Variants in CNKSR3 observed in about 807,000 individuals in gnomAD.
CNKSR3 encodes connector enhancer of kinase suppressor of ras 3.
A neutral mutation model predicts 67.7 loss-of-function variants in CNKSR3; 36 were observed. The ratio of observed to expected loss-of-function variants is 0.53; its 90% CI spans 0.41 to 0.70. The LOEUF (loss-of-function observed/expected upper bound fraction) is 0.70. CNKSR3 is among the 30% of genes least tolerant of loss of function. The pLI is 0.00. For missense variants in CNKSR3, 630 were observed against 695.2 expected (o/e 0.91, Z 1.05); for synonymous variants, 281 against 271.4 (o/e 1.04, Z -0.35).
intron 1 of CNKSR3, among the ~76,000 whole-genome samples, chr6:154,466,415 T>C (rs971071269): frequency 6.6e-6 from 1 of 152,104 alleles, no homozygotes; most frequent in Non-Finnish European, 1.5e-5. Context: ...CGCACAAGCA[T>C]GAGCAGCAAT....
In CNKSR3 at chr6:154,406,586, G is replaced by A; in HGVS notation, c.1436C>T (p.Ser479Phe). The A allele has an allele frequency of 6.8e-6, 11 of 1,614,222 alleles. No homozygotes were observed. The highest frequency in any genetic ancestry group is 9.3e-6 in the Non-Finnish European group (11 of 1,180,040). ...GGGTCTGGAGAACCGGTATGGGGGA[G>A]AGGAGCTCTCTTCAATGATCGGAGG... is the stretch of plus-strand genomic sequence containing the variant. Reference protein sequence around the residue: ...RIPPIIEESSSPPYRFSRPTT... With the variant: ...RIPPIIEESSFPPYRFSRPTT... Residue 479 changes from serine (S) to phenylalanine (F), a missense_variant, in exon 13 of 13, where the codon TCT (serine) becomes TTT (phenylalanine). By Grantham distance (155) the Ser-to-Phe change is radical. Around this residue, in one of 3 missense-constraint regions of CNKSR3, gnomAD observed 308 missense variants for 299.6 expected, o/e 1.03. Transcript: ENST00000607772.
rs1784883647 is a variant in CNKSR3, at chr6:154,410,340, T to C, written c.1369+3A>G. On this transcript the variant is annotated splice_donor_region_variant and intron_variant, in intron 12 of 12. Coordinates refer to ENST00000607772, the MANE Select transcript of CNKSR3 (RefSeq NM_173515.4). Reference sequence around the variant, plus strand: ...TTCCTTGGTTTGCTTGGATGAAACGTACCTTTCCTGCCATGACCTCGAGGT... The same window carrying C: ...TTCCTTGGTTTGCTTGGATGAAACGCACCTTTCCTGCCATGACCTCGAGGT... 1.2e-6 allele frequency: 2 copies of C among 1,611,834 alleles called. No individual in the cohort carries two copies. Among genetic ancestry groups the C allele is most frequent in the Non-Finnish European group, 1.7e-6 (2 of 1,178,022 alleles).
Position 154,423,549 on chromosome 6 carries a change from C to T in CNKSR3, c.730-566G>A, listed in dbSNP as rs147865660. 8.0e-3 allele frequency among the ~76,000 whole-genome samples: 1,215 copies of T among 152,254 alleles called. 17 individuals carry two copies. Among genetic ancestry groups the T allele is most frequent in the African/African-American group, 0.027 (1,141 of 41,542 alleles). ...CTGGGATTACAGGCATGAGCCACCG[C>T]GCCCAGTCTGGACATACTGTCAAAA... On this transcript the variant is annotated intron_variant, in intron 7 of 12. Coordinates refer to ENST00000607772, the MANE Select transcript of CNKSR3 (RefSeq NM_173515.4).
chr6:154,454,139 A>G (rs1785901884), intron 1 of CNKSR3, among the ~76,000 whole-genome samples: 1 of 118,674 alleles, frequency 8.4e-6, no homozygotes, highest in African/African-American at 2.8e-5. Flanking sequence ...AGAGAGAGAG[A>G]GAGAGATAAG....
chr6:154,420,225 TA>T (rs35213451), intron 9 of CNKSR3, among the ~76,000 whole-genome samples: 4,059 of 145,200 alleles, frequency 0.028, 89 homozygotes, highest in African/African-American at 0.065. Context: ...ATGTGGAATC[TA>T]AAAAAAAAAA....
chr6:154,500,378 T>C (rs1786972897), intron 1 of CNKSR3, among the ~76,000 whole-genome samples: 1 of 152,116 alleles, frequency 6.6e-6, no homozygotes, highest in Non-Finnish European at 1.5e-5. Flanking sequence ...TAAAAGGTTA[T>C]CCTCAGGAAA....
chr6:154,503,717 T>A (rs1207806725), intron 1 of CNKSR3, among the ~76,000 whole-genome samples: 1 of 152,144 alleles, frequency 6.6e-6, no homozygotes, highest in Non-Finnish European at 1.5e-5. Flanking sequence ...CTCACTTATT[T>A]TGCTAAGAAT....
chr6:154,478,001 G>A (rs1695231752), intron 1 of CNKSR3, among the ~76,000 whole-genome samples: 1 of 152,176 alleles, frequency 6.6e-6, no homozygotes, highest in African/African-American at 2.4e-5. Flanking sequence ...ACGGAAGAGA[G>A]GCAGCGAACA....
chr6:154,433,722 C>CCTG, intron 4 of CNKSR3: 1 of 461,636 alleles, frequency 2.2e-6, no homozygotes, highest in Non-Finnish European at 3.9e-6. Context: ...CTCCCCTGAC[C>CCTG]TAAGGAGTTC....
In CNKSR3 at chr6:154,510,243, C is replaced by A; in HGVS notation, c.-129G>T. ...CTGCGCCCGAGCGACTCCGTCAAGA[C>A]TGCATGGCCGCGGTCAGCCAGTCGT... On this transcript the variant is annotated 5_prime_UTR_variant, in exon 1 of 13. Transcript: ENST00000607772. 1 of 1,038,872 alleles carries A rather than the reference C, an allele frequency of 9.6e-7. No homozygotes were observed. The allele number at this position is 1,038,872 out of a possible 1,614,324, so 64.4% of individuals were successfully genotyped here. A position where few individuals can be genotyped will look rare whatever the true frequency, so the allele number is the denominator to read the frequency against.
At chr6:154,455,943 T>C (rs1785944010) in intron 1 of CNKSR3, among the ~76,000 whole-genome samples, 1 of 151,712 alleles carries the variant, frequency 6.6e-6, no homozygotes, top group Non-Finnish European at 1.5e-5. Flanking sequence ...CTCCCCTAAG[T>C]GTAGAAAGGA....
At chr6:154,467,951 A>G (rs1786238885) in intron 1 of CNKSR3, among the ~76,000 whole-genome samples, 1 of 150,904 alleles carries the variant, frequency 6.6e-6, no homozygotes, top group African/African-American at 2.4e-5. Flanking sequence ...GTAGAGACAG[A>G]GTTTTGTCAT....
intron 1 of CNKSR3, among the ~76,000 whole-genome samples, chr6:154,462,662 C>T (rs769313063): frequency 3.9e-5 from 6 of 152,138 alleles, no homozygotes; most frequent in African/African-American, 9.7e-5. Flanking sequence ...GCTCCTATCT[C>T]GAGGCCTTTC....
chr6:154,497,127 C>T (rs1004695415), intron 1 of CNKSR3, among the ~76,000 whole-genome samples: 6 of 152,038 alleles, frequency 3.9e-5, no homozygotes, highest in Admixed American at 2.6e-4. Context: ...CCTGCAATCC[C>T]GGCACTTTGG....
Position 154,399,778 on chromosome 6 carries a change from TC to T in CNKSR3, c.*6575del, listed in dbSNP as rs368645152. On this transcript the variant is annotated 3_prime_UTR_variant, in exon 13 of 13. Transcript: ENST00000607772. ...TTATATTAAACTTCATTTCTGAAGC[TC>T]CCTGATTCTCTAAAATAATCAAAAT... The T allele has an allele frequency of 1.4e-4, 21 of 152,110 alleles. No homozygotes were observed. The East Asian group carries it at 3.1e-3, about 22-fold the overall frequency. 9.4% of individuals were successfully genotyped at this position (152,110 alleles called of 1,614,324 possible).
In CNKSR3 at chr6:154,401,476, T is replaced by C. The variant is rs186996501; in HGVS notation, c.*4878A>G. 1.3e-5 allele frequency: 2 copies of C among 153,034 alleles called. No homozygotes were observed. Among genetic ancestry groups the C allele is most frequent in the Non-Finnish European group, 2.9e-5 (2 of 68,624 alleles). The allele number at this position is 153,034 out of a possible 1,614,324, so 9.5% of individuals were successfully genotyped here. ...TCCCAGCCTCCAGAACGGTGAGAAA[T>C]TTCTGTCATTTAAGCTACCCAGTGT... On this transcript the variant is annotated 3_prime_UTR_variant, in exon 13 of 13. Transcript: ENST00000607772.
intron 1 of CNKSR3, 123 bp downstream of exon 1, chr6:154,509,940 G>T (rs1787180700): frequency 9.5e-7 from 1 of 1,050,780 alleles, no homozygotes; most frequent in Non-Finnish European, 1.5e-6. Context: ...AGTTTGCATT[G>T]TCACCGGGCT....
chr6:154,458,848 T>C (rs1047499188), intron 1 of CNKSR3, among the ~76,000 whole-genome samples: 2 of 152,154 alleles, frequency 1.3e-5, no homozygotes, highest in African/African-American at 4.8e-5. Flanking sequence ...TAAATTTAAT[T>C]TGAAGAACGG....
At position 154,406,509 on chromosome 6, in the gene CNKSR3, A is replaced by G. The variant is rs762044186; in HGVS notation, c.1513T>C (p.Cys505Arg). The G allele has an allele frequency of 9.3e-6, 15 of 1,614,158 alleles. No individual in the cohort carries two copies. The highest frequency in any genetic ancestry group is 1.3e-5 in the Non-Finnish European group (15 of 1,180,020). The part of the protein sequence containing the change: ...RGADYIRGSR[C>R]YINSDLHSSA... ...CTGTGGAGATCTGAGTTGATGTAGC[A>G]CCTGCTTCCTCGGATGTAGTCCGCA... The change falls in exon 13 of 13, where the codon TGC becomes CGC. Residue 505 changes from cysteine to arginine, a missense_variant. Physicochemically the swap from Cys to Arg is radical, Grantham distance 180. Transcript: ENST00000607772.
Sources: allele counts gnomAD v4.1 joint callset (sites outside exome capture counted in the v4.1 genomes callset), GRCh38; gene constraint gnomAD v4.1.1; regional missense constraint gnomAD v4.1.1; transcripts MANE v1.5; gene names NCBI Gene and HGNC (gene_info 2026-07-23, HGNC 2026-07-21).